Variants in FRMD4A observed in about 807,000 individuals in gnomAD.
FRMD4A encodes the protein FERM domain-containing protein 4A.
Under a neutral mutation model 129.1 loss-of-function variants are expected in FRMD4A, and 29 were observed. The observed-to-expected ratio is 0.22, with a 90% confidence interval of 0.17 to 0.31. The LOEUF is 0.31. Among genes scored for constraint, FRMD4A ranks in the 10% least tolerant of loss-of-function variants. The pLI, the probability that FRMD4A is intolerant of heterozygous loss-of-function variation, is 1.00. For synonymous variants in FRMD4A, 634 were observed against 571.6 expected (o/e 1.11, Z -1.56); for missense variants, 1,272 against 1,375.8 (o/e 0.92, Z 1.19).
chr10:13,837,035 G>A (rs550783013), intron 3 of FRMD4A, among the ~76,000 whole-genome samples: 1 of 152,206 alleles, frequency 6.6e-6, no homozygotes, highest in Non-Finnish European at 1.5e-5. Context: ...GGGATTACAG[G>A]CATGAGCCAC....
rs76695431 is a variant in FRMD4A, at chr10:14,264,268, G to A, written c.45+65790C>T. 3.2e-3 allele frequency among the ~76,000 whole-genome samples: 481 copies of A among 152,234 alleles called. 5 individuals carry two copies. The highest frequency in any genetic ancestry group is 0.013 in the Admixed American group (201 of 15,286). ...AAAGCAGAGCACAGGTCTTTGAGCC[G>A]TCTTATTTCTGTTTTATCTTTTATC... On this transcript the variant is annotated intron_variant, in intron 2 of 24. Transcript: ENST00000357447.
chr10:13,841,089 C>A (rs906195223), intron 3 of FRMD4A, among the ~76,000 whole-genome samples: 5 of 152,132 alleles, frequency 3.3e-5, no homozygotes, highest in African/African-American at 7.2e-5. Context: ...GCCTGGGTGA[C>A]AGAGTGAGAC....
At chr10:14,096,305 T>C (rs1836958108) in intron 2 of FRMD4A, among the ~76,000 whole-genome samples, 1 of 152,216 alleles carries the variant, frequency 6.6e-6, no homozygotes, top group Non-Finnish European at 1.5e-5. Context: ...GTTGCCTTGA[T>C]CTTGAACTTC....
At chr10:13,740,686 C>CA (rs1280331359) in intron 9 of FRMD4A, 109 bp from the exon 10 acceptor site, 5 of 658,636 alleles carry the variant, frequency 7.6e-6, no homozygotes, top group Non-Finnish European at 1.4e-5. Flanking sequence ...TCCAAGGCAC[C>CA]AACAGCTCCT....
At chr10:14,098,048 T>A (rs10906595) in intron 2 of FRMD4A, among the ~76,000 whole-genome samples, 33,744 of 96,568 alleles carry the variant, frequency 0.35, 5,708 homozygotes, top group African/African-American at 0.41. Context: ...TATAAATTAT[T>A]TATTATATAA....
At chr10:14,237,024 C>CAAAAAAAAAAAA (rs1843846854) in intron 2 of FRMD4A, among the ~76,000 whole-genome samples, 1 of 103,820 alleles carries the variant, frequency 9.6e-6, no homozygotes, top group African/African-American at 3.9e-5. Flanking sequence ...AAAAAAAAAT[C>CAAAAAAAAAAAA]GGTTTTTAAA....
At chr10:13,941,516 G>A (rs1357852044) in intron 2 of FRMD4A, among the ~76,000 whole-genome samples, 1 of 152,214 alleles carries the variant, frequency 6.6e-6, no homozygotes, top group Admixed American at 6.5e-5. Context: ...AAGGAACTAT[G>A]AAGGCTCAAA....
intron 15 of FRMD4A, among the ~76,000 whole-genome samples, chr10:13,678,699 G>A (rs577259323): frequency 2.4e-4 from 37 of 152,314 alleles, no homozygotes; most frequent in African/African-American, 7.7e-4. Context: ...AAAGAGCTTC[G>A]TACCCAATTC....
chr10:13,716,353 T>C (rs890030282), intron 12 of FRMD4A, among the ~76,000 whole-genome samples: 2 of 152,062 alleles, frequency 1.3e-5, no homozygotes. Flanking sequence ...CAGAACAGAG[T>C]GGGCTATAAT....
intron 8 of FRMD4A, among the ~76,000 whole-genome samples, chr10:13,754,599 T>C (rs1314358321): frequency 7.4e-6 from 1 of 134,948 alleles, no homozygotes; most frequent in Non-Finnish European, 1.6e-5. Context: ...TGTGTGTGTG[T>C]GTAAAACAGT....
chr10:13,693,627 C>A, intron 15 of FRMD4A: 1 of 671,624 alleles, frequency 1.5e-6, no homozygotes, highest in Non-Finnish European at 2.3e-6. Context: ...CTGGGGGGTA[C>A]CTGAAGACAC....
intron 8 of FRMD4A, among the ~76,000 whole-genome samples, chr10:13,759,150 G>A (rs1392666257): frequency 6.6e-6 from 1 of 152,198 alleles, no homozygotes; most frequent in African/African-American, 2.4e-5. Context: ...GTTTTAGGCT[G>A]TGAGATAAAC....
chr10:13,790,306 C>T (rs1221979728), intron 5 of FRMD4A, among the ~76,000 whole-genome samples: 2 of 152,206 alleles, frequency 1.3e-5, no homozygotes, highest in African/African-American at 2.4e-5. Flanking sequence ...ATTCCAGCTG[C>T]ATCTGTGAGG....
chr10:14,137,705 C>A (rs1839614126), intron 2 of FRMD4A, among the ~76,000 whole-genome samples: 1 of 152,190 alleles, frequency 6.6e-6, no homozygotes, highest in Admixed American at 6.5e-5. Flanking sequence ...CCGCAACCAT[C>A]TCTCTTCATT....
chr10:13,714,855 T>C (rs2088619344), intron 12 of FRMD4A, among the ~76,000 whole-genome samples: 1 of 151,524 alleles, frequency 6.6e-6, no homozygotes, highest in Non-Finnish European at 1.5e-5. Context: ...CTGGCCAACA[T>C]GGTGAACCTC....
rs575259100 is a variant in FRMD4A at position 13,727,492 on chromosome 10, G to A, written c.759+10352C>T. 2.6e-5 allele frequency among the ~76,000 whole-genome samples: 4 copies of A among 152,278 alleles called. No individual in the cohort carries two copies. In the South Asian group the frequency reaches 8.3e-4, roughly 32 times the overall value. On this transcript the variant is annotated intron_variant, in intron 12 of 24. Transcript: ENST00000357447. ...CTCAACAGTGATGGCGGTGGCTCCG[G>A]GGTCATCCTAGCTTCCGAGTTTCGT...
chr10:14,284,728 G>C (rs185955734), intron 2 of FRMD4A, among the ~76,000 whole-genome samples: 7 of 152,298 alleles, frequency 4.6e-5, no homozygotes, highest in Admixed American at 4.6e-4. Context: ...TAAGTGTAGT[G>C]ACTGTAAAAC....
intron 2 of FRMD4A, among the ~76,000 whole-genome samples, chr10:14,014,671 A>T (rs1362673340): frequency 6.6e-6 from 1 of 152,220 alleles, no homozygotes; most frequent in African/African-American, 2.4e-5. Flanking sequence ...GAACAGGACC[A>T]AGACATCAAG....
chr10:13,720,108 G>A (rs1028952839), intron 12 of FRMD4A, among the ~76,000 whole-genome samples: 1 of 152,178 alleles, frequency 6.6e-6, no homozygotes, highest in African/African-American at 2.4e-5. Context: ...TGGTGCAGTG[G>A]GGTGATCTTG....
Sources: allele counts gnomAD v4.1 joint callset (sites outside exome capture counted in the v4.1 genomes callset), GRCh38; gene constraint gnomAD v4.1.1; transcripts MANE v1.5; gene names NCBI Gene and HGNC (gene_info 2026-07-23, HGNC 2026-07-21).